Variants in CCSER1 observed in about 807,000 individuals in gnomAD.
CCSER1 encodes the protein coiled-coil serine rich protein 1.
CCSER1 carries 41 observed loss-of-function variants against 82.0 expected under a neutral mutation model. The ratio of observed to expected loss-of-function variants is 0.50; its 90% CI spans 0.39 to 0.65. The LOEUF (loss-of-function observed/expected upper bound fraction) is 0.65, where lower values mean the gene tolerates loss of function less well. Among genes scored for constraint, CCSER1 ranks in the 30% least tolerant of loss-of-function variants. The probability of loss-of-function intolerance (pLI) is 0.00; values close to 1 mark genes in which losing one functional copy is unlikely to be tolerated. For synonymous variants in CCSER1, 414 were observed against 383.9 expected (o/e 1.08, Z -0.92); for missense variants, 1,119 against 1,064.2 (o/e 1.05, Z -0.72).
chr4:91,478,746 T>A (rs997616134), intron 10 of CCSER1, among the ~76,000 whole-genome samples: 1 of 151,916 alleles, frequency 6.6e-6, no homozygotes, highest in Non-Finnish European at 1.5e-5. Flanking sequence ...ATGACATTAC[T>A]TATATTTCTA....
chr4:90,295,352 A>C (rs1731664753), intron 1 of CCSER1, among the ~76,000 whole-genome samples: 1 of 152,070 alleles, frequency 6.6e-6, no homozygotes. Flanking sequence ...TAAGTTTTAA[A>C]AAGTTATAAA....
intron 10 of CCSER1, among the ~76,000 whole-genome samples, chr4:91,322,042 T>C (rs1002435875): frequency 1.2e-4 from 18 of 152,090 alleles, no homozygotes; most frequent in African/African-American, 4.1e-4. Context: ...AAAGAGGCAC[T>C]GAATGAATAT....
At position 91,470,053 on chromosome 4, in the gene CCSER1, G is replaced by A. The variant is rs531350285; in HGVS notation, c.2218-128519G>A. On this transcript the variant is annotated intron_variant, in intron 10 of 10. Coordinates refer to ENST00000509176, the MANE Select transcript of CCSER1 (RefSeq NM_001145065.2). The stretch of plus-strand genomic sequence containing the variant: ...TCATGGACTTTCAGATTGAAAGTCC[G>A]ACTGTTAAATCTGTAGATGCAAAAA... Among the ~76,000 whole-genome samples, 7 of 152,222 alleles carry A rather than the reference G, an allele frequency of 4.6e-5. No individual in the cohort carries two copies. The East Asian group carries it at 5.8e-4, about 13-fold the overall frequency.
At chr4:90,571,632 A>G (rs1011567734) in intron 5 of CCSER1, among the ~76,000 whole-genome samples, 2 of 152,306 alleles carry the variant, frequency 1.3e-5, no homozygotes. Context: ...CTGAAAAACT[A>G]ACTTTTGGGT....
chr4:91,374,312 A>G (rs2149328090), intron 10 of CCSER1, among the ~76,000 whole-genome samples: 1 of 152,312 alleles, frequency 6.6e-6, no homozygotes, highest in Non-Finnish European at 1.5e-5. Flanking sequence ...AAGGCTTTTA[A>G]GGACGGAATG....
chr4:90,332,180 A>G (rs1739414492), intron 3 of CCSER1, among the ~76,000 whole-genome samples: 1 of 152,042 alleles, frequency 6.6e-6, no homozygotes, highest in South Asian at 2.1e-4. Flanking sequence ...GCTTTATAGA[A>G]CGAGCATCAC....
intron 5 of CCSER1, among the ~76,000 whole-genome samples, chr4:90,612,991 T>A (rs1720536833): frequency 6.6e-6 from 1 of 151,984 alleles, no homozygotes. Flanking sequence ...ATTCTGAGTA[T>A]CCAGGGAACA....
chr4:90,342,333 A>T (rs1027993234), intron 3 of CCSER1, among the ~76,000 whole-genome samples: 1 of 152,130 alleles, frequency 6.6e-6, no homozygotes, highest in Non-Finnish European at 1.5e-5. Flanking sequence ...TTCTATTCTT[A>T]TTACCATTTG....
intron 8 of CCSER1, among the ~76,000 whole-genome samples, chr4:90,918,526 C>T (rs1419594869): frequency 6.6e-6 from 1 of 151,920 alleles, no homozygotes; most frequent in Non-Finnish European, 1.5e-5. Context: ...ACCACATTTC[C>T]TCCTCTTCAG....
intron 8 of CCSER1, chr4:90,911,199 AGC>A: frequency 2.3e-6 from 1 of 426,952 alleles, no homozygotes; most frequent in South Asian, 1.7e-5. Flanking sequence ...TTTTCAAGTT[AGC>A]AATTTTCTAC....
chr4:90,417,316 G>T (rs1755949376), intron 4 of CCSER1, among the ~76,000 whole-genome samples: 1 of 151,604 alleles, frequency 6.6e-6, no homozygotes, highest in Non-Finnish European at 1.5e-5. Flanking sequence ...ATTTAAAATA[G>T]AAATTTATTT....
At chr4:90,323,193 A>G (rs562883389) in intron 3 of CCSER1, among the ~76,000 whole-genome samples, 54 of 152,168 alleles carry the variant, frequency 3.5e-4, no homozygotes, top group African/African-American at 1.2e-3. Context: ...GTCTCTCCCC[A>G]TGCTGCACAG....
chr4:91,313,283 T>C (rs1436088391), intron 10 of CCSER1, among the ~76,000 whole-genome samples: 1 of 151,964 alleles, frequency 6.6e-6, no homozygotes, highest in African/African-American at 2.4e-5. Flanking sequence ...ACTAGCTTTT[T>C]CTAAGATTTT....
chr4:90,933,024 GAA>G (rs1411188284), intron 9 of CCSER1, among the ~76,000 whole-genome samples: 1 of 87,478 alleles, frequency 1.1e-5, no homozygotes, highest in African/African-American at 6.1e-5. Flanking sequence ...AAGAAAGAAA[GAA>G]AGAAAGAAAG....
At chr4:90,709,840 G>A (rs995449624) in intron 6 of CCSER1, among the ~76,000 whole-genome samples, 14 of 151,928 alleles carry the variant, frequency 9.2e-5, no homozygotes, top group African/African-American at 1.2e-4. Context: ...TCTGCCTCTA[G>A]GTCTTTGAGG....
At chr4:90,747,281 G>C (rs964915788) in intron 7 of CCSER1, among the ~76,000 whole-genome samples, 3 of 152,040 alleles carry the variant, frequency 2.0e-5, no homozygotes, top group African/African-American at 7.3e-5. Context: ...CTGAAATAAT[G>C]GTCAGTTTTC....
intron 5 of CCSER1, among the ~76,000 whole-genome samples, chr4:90,569,452 C>T (rs1001281414): frequency 2.0e-5 from 3 of 152,138 alleles, no homozygotes; most frequent in African/African-American, 4.8e-5. Flanking sequence ...AGAGGAAGCT[C>T]GGATGTCTGC....
intron 5 of CCSER1, among the ~76,000 whole-genome samples, chr4:90,491,397 C>T (rs969716714): frequency 6.6e-6 from 1 of 152,158 alleles, no homozygotes; most frequent in Non-Finnish European, 1.5e-5. Flanking sequence ...ATTTGCTTAT[C>T]AGCTTAAGGA....
At chr4:90,917,473 T>G (rs192717645) in intron 8 of CCSER1, among the ~76,000 whole-genome samples, 1 of 152,016 alleles carries the variant, frequency 6.6e-6, no homozygotes, top group Non-Finnish European at 1.5e-5. Flanking sequence ...ATGAGAACAC[T>G]TGGACCCAGG....
Sources: gnomAD v4.1 joint callset for allele counts (sites outside exome capture counted in the v4.1 genomes callset) on GRCh38, gnomAD v4.1.1 for gene constraint, MANE v1.5 for transcripts, NCBI Gene and HGNC (gene_info 2026-07-23, HGNC 2026-07-21) for gene names.